The following PGM5 variants were observed in gnomAD, a reference collection of about 807,000 sequenced individuals.
PGM5 encodes phosphoglucomutase-like protein 5.
Under a neutral mutation model 59.2 loss-of-function variants are expected in PGM5, and 23 were observed. The observed-to-expected ratio is 0.39, with a 90% confidence interval of 0.28 to 0.55. The LOEUF (loss-of-function observed/expected upper bound fraction) is 0.55, where lower values mean the gene tolerates loss of function less well. Ranked by LOEUF, PGM5 falls within the 20% of genes least tolerant of loss-of-function variation. The probability of loss-of-function intolerance (pLI) is 0.66; values close to 1 mark genes in which losing one functional copy is unlikely to be tolerated. For synonymous variants in PGM5, 214 were observed against 286.0 expected (o/e 0.75, Z 2.54); for missense variants, 574 against 748.3 (o/e 0.77, Z 2.72).
At chr9:68,412,479 A>T (rs1822950962) in intron 6 of PGM5, among the ~76,000 whole-genome samples, 1 of 152,204 alleles carries the variant, frequency 6.6e-6, no homozygotes, top group Admixed American at 6.5e-5. Context: ...TACTTCCTAA[A>T]TGAGGGAAAA....
intron 6 of PGM5, among the ~76,000 whole-genome samples, chr9:68,436,279 T>C (rs1332513767): frequency 6.6e-6 from 1 of 152,174 alleles, no homozygotes; most frequent in East Asian, 1.9e-4. Context: ...GCCTATCATG[T>C]CTTGTTTTTA....
chr9:68,438,286 CAAAAAA>C (rs34047393), intron 6 of PGM5, among the ~76,000 whole-genome samples: 2 of 34,814 alleles, frequency 5.7e-5, no homozygotes, highest in South Asian at 1.3e-3. Context: ...GAGACTCTGT[CAAAAAA>C]AAAAAAAAAA....
intron 1 of PGM5, among the ~76,000 whole-genome samples, chr9:68,360,160 C>CTTTG (rs1554676183): frequency 6.6e-6 from 1 of 152,082 alleles, no homozygotes; most frequent in East Asian, 1.9e-4. Flanking sequence ...GGAAAAACTA[C>CTTTG]AGTTACTCTT....
chr9:68,387,040 A>G (rs1482600055), intron 3 of PGM5, among the ~76,000 whole-genome samples: 2 of 151,856 alleles, frequency 1.3e-5, no homozygotes, highest in African/African-American at 4.8e-5. Context: ...GATTTGTTTC[A>G]TACCAGCTGA....
At chr9:68,512,768 T>C (rs369355758) in intron 10 of PGM5, among the ~76,000 whole-genome samples, 78 of 152,356 alleles carry the variant, frequency 5.1e-4, no homozygotes, top group African/African-American at 1.7e-3. Flanking sequence ...TATGCACTTA[T>C]GGAAGACAAA....
intron 6 of PGM5, among the ~76,000 whole-genome samples, chr9:68,427,644 G>C (rs538917816): frequency 2.6e-5 from 4 of 152,322 alleles, no homozygotes; most frequent in Non-Finnish European, 5.9e-5. Context: ...TTTGCCTATT[G>C]CTGGAAAATT....
At chr9:68,453,583 C>A (rs375900971) in intron 6 of PGM5, among the ~76,000 whole-genome samples, 4 of 152,238 alleles carry the variant, frequency 2.6e-5, no homozygotes, top group Non-Finnish European at 5.9e-5. Flanking sequence ...GCTATCCCCC[C>A]TCCTTGGCCT....
chr9:68,396,468 T>C (rs1563992430), intron 6 of PGM5: 1 of 152,212 alleles, frequency 6.6e-6, no homozygotes, highest in Non-Finnish European at 1.5e-5. Context: ...TTTGTCCTTG[T>C]TTCTTGTGGA....
At position 68,463,182 on chromosome 9, in the gene PGM5, G is replaced by GT. The variant is rs113568409; in HGVS notation, c.1044-1897dup. On this transcript the variant is annotated intron_variant, in intron 6 of 10. Transcript: ENST00000396396. ...CTTCCCATGGCAAGAGTTTCTAGAT[G>GT]TTTTTTTTTTTTTTCCTTATTTGAC... is the stretch of plus-strand genomic sequence containing the variant. 6.7e-3 allele frequency among the ~76,000 whole-genome samples: 937 copies of GT among 139,878 alleles called. 7 individuals are homozygous for GT. The highest frequency in any genetic ancestry group is 0.015 in the East Asian group (73 of 4,780). 91.8% of individuals were successfully genotyped at this position (139,878 alleles called of 152,430 possible).
intron 7 of PGM5, among the ~76,000 whole-genome samples, chr9:68,477,374 C>G (rs76713111): frequency 6.6e-6 from 1 of 152,184 alleles, no homozygotes; most frequent in South Asian, 2.1e-4. Flanking sequence ...GTCACAAGTA[C>G]GGTAAATGGT....
intron 10 of PGM5, among the ~76,000 whole-genome samples, chr9:68,511,130 G>A (rs536199241): frequency 3.3e-5 from 5 of 152,296 alleles, no homozygotes; most frequent in South Asian, 2.1e-4. Flanking sequence ...ACAGAAGGCC[G>A]ATTTCCCCCA....
intron 6 of PGM5, among the ~76,000 whole-genome samples, chr9:68,431,127 G>A (rs1401267530): frequency 5.9e-5 from 9 of 152,238 alleles, no homozygotes; most frequent in East Asian, 3.9e-4. Flanking sequence ...TCCTCAGAAC[G>A]CATTAAAAGA....
intron 6 of PGM5, among the ~76,000 whole-genome samples, chr9:68,405,562 C>A (rs551606652): frequency 6.6e-6 from 1 of 152,426 alleles, no homozygotes; most frequent in South Asian, 2.1e-4. Context: ...AAGTAGCCAT[C>A]TGTCCTTCTT....
At chr9:68,486,436 A>G (rs1714764202) in intron 9 of PGM5, among the ~76,000 whole-genome samples, 1 of 152,122 alleles carries the variant, frequency 6.6e-6, no homozygotes, top group Non-Finnish European at 1.5e-5. Context: ...TCTTCCTCCC[A>G]ACATCCCTCC....
chr9:68,405,322 C>T (rs536035472), intron 6 of PGM5: 1 of 152,426 alleles, frequency 6.6e-6, no homozygotes, highest in South Asian at 2.1e-4. Flanking sequence ...TCCTCCAAAG[C>T]AAGATCTTTC....
chr9:68,426,525 A>C (rs1320945829), intron 6 of PGM5, among the ~76,000 whole-genome samples: 1 of 152,050 alleles, frequency 6.6e-6, no homozygotes, highest in African/African-American at 2.4e-5. Flanking sequence ...ATTGATGGAC[A>C]TTTAAATGGT....
At chr9:68,452,078 C>T (rs1823705610) in intron 6 of PGM5, among the ~76,000 whole-genome samples, 1 of 152,180 alleles carries the variant, frequency 6.6e-6, no homozygotes, top group Non-Finnish European at 1.5e-5. Flanking sequence ...AGAGGTATTC[C>T]TCCTGCTCCA....
At chr9:68,441,346 A>C (rs1554683692) in intron 6 of PGM5, among the ~76,000 whole-genome samples, 1 of 152,148 alleles carries the variant, frequency 6.6e-6, no homozygotes, top group Admixed American at 6.5e-5. Context: ...GAAAAATATA[A>C]ACTGATATTC....
At chr9:68,485,310 G>T (rs1423271907) in intron 9 of PGM5, among the ~76,000 whole-genome samples, 3 of 152,054 alleles carry the variant, frequency 2.0e-5, no homozygotes, top group African/African-American at 7.2e-5. Flanking sequence ...ACACTGGAAT[G>T]TGTTTGATAG....
Sources: gnomAD v4.1 joint callset for allele counts (sites outside exome capture counted in the v4.1 genomes callset) on GRCh38, gnomAD v4.1.1 for gene constraint, MANE v1.5 for transcripts, NCBI Gene and HGNC (gene_info 2026-07-23, HGNC 2026-07-21) for gene names.